The following TATDN3 variants were observed in gnomAD, a reference collection of about 807,000 sequenced individuals.
TATDN3 encodes the protein TatD DNase domain containing 3.
TATDN3 carries 29 observed loss-of-function variants against 40.1 expected under a neutral mutation model. The ratio of observed to expected loss-of-function variants is 0.72; its 90% confidence interval spans 0.54 to 0.99. TATDN3 has a LOEUF of 0.99. Among genes scored for constraint, TATDN3 ranks in the 50% least tolerant of loss-of-function variants. TATDN3 has a pLI of 0.00. For missense variants in TATDN3, 309 were observed against 321.9 expected, an observed-to-expected ratio of 0.96 and a Z score of 0.31; for synonymous variants, 105 against 117.0, an observed-to-expected ratio of 0.90 and a Z score of 0.66.
intron 7 of TATDN3, among the ~76,000 whole-genome samples, chr1:212,806,807 C>CACATATAT (rs1662535336): frequency 9.9e-5 from 8 of 80,790 alleles, no homozygotes; most frequent in African/African-American, 1.6e-4. Flanking sequence ...CACATATATA[C>CACATATAT]ACATATATAC....
At chr1:212,809,087 G>C (rs1308880518) in intron 8 of TATDN3, among the ~76,000 whole-genome samples, 1 of 152,198 alleles carries the variant, frequency 6.6e-6, no homozygotes, top group African/African-American at 2.4e-5. Context: ...GATGAACCTT[G>C]AAAACATTAT....
At chr1:212,792,513 T>G (rs1571940360) in intron 1 of TATDN3, among the ~76,000 whole-genome samples, 3 of 147,104 alleles carry the variant, frequency 2.0e-5, no homozygotes, top group African/African-American at 7.5e-5. Flanking sequence ...CGTTTGCCTG[T>G]GGTCCCAGCT....
chr1:212,813,055 G>A (rs1662984085), intron 9 of TATDN3, among the ~76,000 whole-genome samples: 1 of 152,038 alleles, frequency 6.6e-6, no homozygotes, highest in African/African-American at 2.4e-5. Context: ...AGTAACGTAT[G>A]TGAACGTAAC....
chr1:212,795,095 G>A lies in TATDN3; in HGVS notation c.67G>A (p.Asp23Asn). The A allele has an allele frequency of 6.2e-7, 1 of 1,611,554 alleles. No individual in the cohort carries two copies. Among genetic ancestry groups the A allele is most frequent in the African/African-American group, 1.3e-5 (1 of 74,918 alleles). The change falls in exon 2 of 10, where the codon GAT (aspartate) becomes AAT (asparagine). Residue 23 changes from aspartate to asparagine, a missense_variant and splice_region_variant. Physicochemically the swap from Asp to Asn is conservative, Grantham distance 23. Transcript: ENST00000366974. ...CHLSAPDFDR[D>N]LDDVLEKAKK... is the part of the protein sequence containing the mutation. Reference sequence around the variant, plus strand: ...TGGTGATTTCTTATGCTTGTTTTAGGATTTGGATGATGTGTTGGAGAAAGC... The same window carrying A: ...TGGTGATTTCTTATGCTTGTTTTAGAATTTGGATGATGTGTTGGAGAAAGC...
At chr1:212,792,059 C>G in intron 1 of TATDN3, 72 bp downstream of exon 1, 13 of 1,499,298 alleles carry the variant, frequency 8.7e-6, no homozygotes, top group Non-Finnish European at 1.2e-5. Flanking sequence ...TATCTTTGCT[C>G]TCCTCCCTTG....
At chr1:212,812,176 A>G in intron 8 of TATDN3, 72 bp from the exon 9 acceptor site, 2 of 937,480 alleles carry the variant, frequency 2.1e-6, no homozygotes, top group Non-Finnish European at 3.3e-6. Flanking sequence ...ATGCATTATT[A>G]GTATGTCAAT....
chr1:212,804,373 G>A lies in TATDN3; in HGVS notation c.375G>A (p.Glu125=), dbSNP rs547809234. The A allele has an allele frequency of 1.2e-5, 20 of 1,614,094 alleles. No homozygotes were observed. The South Asian group carries it at 2.1e-4, about 17-fold the overall frequency. ...RFAGTGEQKE[E]QRQVLIRQIQ... ...CTGGCACTGGTGAACAGAAGGAAGA[G>A]CAAAGACAAGTCCTAATCAGACAGA... Residue 125 remains glutamate (E), a synonymous_variant, in exon 6 of 10, where the codon GAG becomes GAA. Transcript: ENST00000366974.
At chr1:212,806,925 T>C (rs1470192297) in intron 7 of TATDN3, among the ~76,000 whole-genome samples, 1 of 145,058 alleles carries the variant, frequency 6.9e-6, no homozygotes, top group Non-Finnish European at 1.5e-5. Context: ...TATATACATA[T>C]ATATATATTT....
At chr1:212,813,474 G>A (rs1195976307) in intron 9 of TATDN3, among the ~76,000 whole-genome samples, 2 of 151,182 alleles carry the variant, frequency 1.3e-5, no homozygotes, top group Admixed American at 6.6e-5. Context: ...ATTATTATCC[G>A]TTTATTCAGA....
At chr1:212,808,641 AT>A in intron 8 of TATDN3, among the ~76,000 whole-genome samples, 1 of 152,350 alleles carries the variant, frequency 6.6e-6, no homozygotes, top group Middle Eastern at 3.4e-3. Context: ...TGATTAAAAT[AT>A]GTGCAAATTA....
At chr1:212,800,633 C>A (rs1662112864) in intron 4 of TATDN3, among the ~76,000 whole-genome samples, 1 of 151,976 alleles carries the variant, frequency 6.6e-6, no homozygotes, top group African/African-American at 2.4e-5. Context: ...CTGAATAAAT[C>A]TCTTCTCCTC....
chr1:212,803,206 G>T, intron 5 of TATDN3, among the ~76,000 whole-genome samples: 1 of 145,736 alleles, frequency 6.9e-6, no homozygotes, highest in African/African-American at 2.5e-5. Flanking sequence ...CACCTAGGCT[G>T]GAGTACAGTG....
intron 3 of TATDN3, 34 bp downstream of exon 3, chr1:212,796,624 T>C (rs763192657): frequency 7.0e-7 from 1 of 1,438,550 alleles, no homozygotes; most frequent in Non-Finnish European, 9.5e-7. Context: ...AAAGGGTTGC[T>C]AATAAGAACA....
intron 4 of TATDN3, 39 bp downstream of exon 4, chr1:212,797,235 A>G: frequency 6.8e-7 from 1 of 1,476,658 alleles, no homozygotes. Context: ...AAAAACAAAC[A>G]AACGAAAGAA....
At position 212,808,236 on chromosome 1, in the gene TATDN3, C is replaced by T. The variant is rs770044339; in HGVS notation, c.600+388C>T. ...GGTGAGGCAGGAGAATCGCTTGAAC[C>T]AGGAGGTGGAGGTTGCAGTGAGCCA... is the stretch of plus-strand genomic sequence containing the variant. On this transcript the variant is annotated intron_variant, in intron 8 of 9. Coordinates refer to ENST00000366974, the MANE Select transcript of TATDN3 (RefSeq NM_001042552.3). Among the ~76,000 whole-genome samples the T allele has an allele frequency of 2.7e-5, 4 of 150,518 alleles. No homozygotes were observed. In the Middle Eastern group the frequency reaches 0.01, roughly 384 times the overall value.
At chr1:212,800,245 G>A (rs998558321) in intron 4 of TATDN3, among the ~76,000 whole-genome samples, 6 of 152,146 alleles carry the variant, frequency 3.9e-5, no homozygotes, top group South Asian at 2.1e-4. Context: ...GATGCTGGAC[G>A]GGACCAGAGT....
In TATDN3 at chr1:212,797,000, T is replaced by C. The variant is rs533431204; in HGVS notation, c.174-112T>C. 5.2e-6 allele frequency: 4 copies of C among 775,472 alleles called. No individual in the cohort carries two copies. In the African/African-American group the frequency reaches 5.2e-5, roughly 10 times the overall value. The allele number at this position is 775,472 out of a possible 1,614,324, so 48.0% of individuals were successfully genotyped here. On this transcript the variant is annotated intron_variant, in intron 3 of 9. Transcript: ENST00000366974. ...ATCCACCTGGTTCAGCCTCCCAAAG[T>C]GCTGGAATTACAGACATAAGCCACC...
chr1:212,794,834 G>C (rs1462929710), intron 1 of TATDN3: 3 of 600,088 alleles, frequency 5.0e-6, no homozygotes, highest in South Asian at 4.6e-5. Context: ...TGCTGCTGAG[G>C]AGTAGAGTAA....
chr1:212,804,002 C>A (rs573689035), intron 5 of TATDN3, among the ~76,000 whole-genome samples: 1 of 152,038 alleles, frequency 6.6e-6, no homozygotes, highest in African/African-American at 2.4e-5. Flanking sequence ...CGCCACTGCA[C>A]TCCATCCTGG....
Sources: gnomAD v4.1 joint callset for allele counts (sites outside exome capture counted in the v4.1 genomes callset) on GRCh38, gnomAD v4.1.1 for gene constraint, MANE v1.5 for transcripts, NCBI Gene and HGNC (gene_info 2026-07-23, HGNC 2026-07-21) for gene names.